Variants in ADAM10 observed in about 807,000 individuals in gnomAD.
The protein encoded by ADAM10 is disintegrin and metalloproteinase domain-containing protein 10.
Under a neutral mutation model 90.1 loss-of-function variants are expected in ADAM10, and 17 were observed. That is an observed-to-expected ratio of 0.19 (90% CI 0.13 to 0.28). The LOEUF is 0.28. Ranked by LOEUF, ADAM10 falls within the 10% of genes least tolerant of loss-of-function variation. ADAM10 has a pLI of 1.00. For synonymous variants in ADAM10, 310 were observed against 298.6 expected (o/e 1.04, Z -0.40); for missense variants, 610 against 914.3 (o/e 0.67, Z 4.29).
chr15:58,648,575 A>G (rs1161300441), intron 5 of ADAM10, among the ~76,000 whole-genome samples: 1 of 152,178 alleles, frequency 6.6e-6, no homozygotes, highest in Non-Finnish European at 1.5e-5. Context: ...TGAAATATGA[A>G]AAAGTGTTCC....
At chr15:58,687,595 G>T (rs1257556736) in intron 2 of ADAM10, among the ~76,000 whole-genome samples, 1 of 147,952 alleles carries the variant, frequency 6.8e-6, no homozygotes, top group East Asian at 1.9e-4. Context: ...AAAAAAAAAG[G>T]CTCAAAAGGG....
At chr15:58,699,349 G>C (rs1426410502) in intron 2 of ADAM10, among the ~76,000 whole-genome samples, 1 of 152,060 alleles carries the variant, frequency 6.6e-6, no homozygotes, top group Non-Finnish European at 1.5e-5. Flanking sequence ...AAAACACACA[G>C]AAATATAAAG....
At chr15:58,627,069 A>G (rs1346907711) in intron 10 of ADAM10, among the ~76,000 whole-genome samples, 4 of 152,188 alleles carry the variant, frequency 2.6e-5, no homozygotes, top group Non-Finnish European at 4.4e-5. Flanking sequence ...GTAGATGTAC[A>G]AACTAGGACA....
chr15:58,713,110 T>C (rs1898529713), intron 2 of ADAM10, among the ~76,000 whole-genome samples: 1 of 152,166 alleles, frequency 6.6e-6, no homozygotes, highest in Admixed American at 6.5e-5. Context: ...GGTGGTGTTT[T>C]GTTTGTTGAG....
At chr15:58,636,987 T>C (rs920733708) in intron 8 of ADAM10, among the ~76,000 whole-genome samples, 16 of 152,234 alleles carry the variant, frequency 1.1e-4, no homozygotes, top group Non-Finnish European at 1.5e-4. Flanking sequence ...AGATGTTAAA[T>C]ATCCAAGGGA....
At chr15:58,642,222 T>C (rs1330617704) in intron 7 of ADAM10, among the ~76,000 whole-genome samples, 1 of 152,150 alleles carries the variant, frequency 6.6e-6, no homozygotes, top group Non-Finnish European at 1.5e-5. Context: ...ATCCCAGCAC[T>C]TTGGGAGGCC....
chr15:58,645,522 T>C (rs1221421479), intron 6 of ADAM10, among the ~76,000 whole-genome samples: 1 of 152,176 alleles, frequency 6.6e-6, no homozygotes, highest in African/African-American at 2.4e-5. Context: ...AAATGATTCA[T>C]TTATACTAGT....
Position 58,689,733 on chromosome 15 carries a change from C to T in ADAM10, c.207-7419G>A, listed in dbSNP as rs184659209. 1.5e-3 allele frequency among the ~76,000 whole-genome samples: 225 copies of T among 151,904 alleles called. 1 individual carries two copies. Among genetic ancestry groups the T allele is most frequent in the African/African-American group, 5.0e-3 (208 of 41,466 alleles). On this transcript the variant is annotated intron_variant, in intron 2 of 15. Coordinates refer to ENST00000260408, the MANE Select transcript of ADAM10 (RefSeq NM_001110.4). ...GATAAAATAAACTCCTTAAAAGGTA[C>T]AAATTATGAAAACTATCACAAAATA...
At chr15:58,679,662 T>C (rs554288753) in intron 3 of ADAM10, among the ~76,000 whole-genome samples, 125 of 152,232 alleles carry the variant, frequency 8.2e-4, no homozygotes, top group African/African-American at 2.9e-3. Flanking sequence ...CCCAGCACTT[T>C]GGGGGGCCGA....
At chr15:58,743,997 T>C (rs1309365073) in intron 1 of ADAM10, among the ~76,000 whole-genome samples, 1 of 152,208 alleles carries the variant, frequency 6.6e-6, no homozygotes, top group Non-Finnish European at 1.5e-5. Context: ...TAATCTAGTA[T>C]ATTAGTATAA....
At chr15:58,717,912 C>T (rs6494034) in intron 1 of ADAM10, among the ~76,000 whole-genome samples, 185 bp from the exon 2 acceptor site, 1 of 151,910 alleles carries the variant, frequency 6.6e-6, no homozygotes, top group African/African-American at 2.4e-5. Context: ...TAATTCCAAC[C>T]GCACACACAA....
At chr15:58,649,441 A>T (rs936784898) in intron 5 of ADAM10, among the ~76,000 whole-genome samples, 1 of 152,064 alleles carries the variant, frequency 6.6e-6, no homozygotes, top group African/African-American at 2.4e-5. Context: ...TCTTTATTCA[A>T]TACTTCATCT....
At chr15:58,668,772 A>G (rs1460864748) in intron 4 of ADAM10, among the ~76,000 whole-genome samples, 2 of 152,134 alleles carry the variant, frequency 1.3e-5, no homozygotes, top group Non-Finnish European at 2.9e-5. Context: ...TCTTTCCTGT[A>G]TATTCACAAA....
chr15:58,612,142 A>T, intron 11 of ADAM10, 151 bp from the exon 12 acceptor site: 1 of 833,264 alleles, frequency 1.2e-6, no homozygotes, highest in Non-Finnish European at 1.9e-6. Flanking sequence ...TTACTGGTAT[A>T]CAACTTCAAA....
chr15:58,745,012 GT>G (rs1899744319), intron 1 of ADAM10, among the ~76,000 whole-genome samples: 1 of 152,138 alleles, frequency 6.6e-6, no homozygotes. Context: ...GTGAAACCCC[GT>G]CTCTAGTAAA....
intron 14 of ADAM10, among the ~76,000 whole-genome samples, chr15:58,604,216 C>T (rs1184828512): frequency 1.3e-5 from 2 of 152,008 alleles, no homozygotes; most frequent in Non-Finnish European, 2.9e-5. Flanking sequence ...CAAAAATTGG[C>T]CAAGCATGAT....
chr15:58,723,526 C>G (rs1274689803), intron 1 of ADAM10, among the ~76,000 whole-genome samples: 2 of 151,792 alleles, frequency 1.3e-5, no homozygotes, highest in African/African-American at 4.8e-5. Flanking sequence ...TAGTGAAACC[C>G]ATAGTCTCTA....
chr15:58,665,861 T>C (rs200198074), intron 4 of ADAM10, among the ~76,000 whole-genome samples: 1 of 152,076 alleles, frequency 6.6e-6, no homozygotes, highest in East Asian at 1.9e-4. Context: ...CACCTCATCA[T>C]CATGACTGAT....
chr15:58,677,524 A>G (rs533592989), intron 4 of ADAM10, among the ~76,000 whole-genome samples: 15 of 152,272 alleles, frequency 9.9e-5, no homozygotes, highest in Admixed American at 9.2e-4. Context: ...AGAAAGAAAG[A>G]AAAGTGGGAA....
Sources: allele counts gnomAD v4.1 joint callset (sites outside exome capture counted in the v4.1 genomes callset), GRCh38; gene constraint gnomAD v4.1.1; transcripts MANE v1.5; gene names NCBI Gene and HGNC (gene_info 2026-07-23, HGNC 2026-07-21).